Variants in ASAP3 observed in about 807,000 individuals in gnomAD.
ASAP3 encodes the protein ArfGAP with SH3 domain, ankyrin repeat and PH domain 3.
Under a neutral mutation model 118.2 loss-of-function variants are expected in ASAP3, and 85 were observed. The ratio of observed to expected loss-of-function variants is 0.72; its 90% CI spans 0.60 to 0.86. The LOEUF (loss-of-function observed/expected upper bound fraction) is 0.86. Among genes scored for constraint, ASAP3 ranks in the 40% least tolerant of loss-of-function variants. The probability of loss-of-function intolerance (pLI) is 0.00; values close to 1 mark genes in which losing one functional copy is unlikely to be tolerated. For synonymous variants in ASAP3, 432 were observed against 477.4 expected, an observed-to-expected ratio of 0.90 and a Z score of 1.24; for missense variants, 1,026 against 1,175.0, an observed-to-expected ratio of 0.87 and a Z score of 1.85.
rs1640765632 is a variant in ASAP3, at chr1:23,438,823, G to T, written c.1026C>A (p.Pro342=). The T allele has an allele frequency of 6.2e-7, 1 of 1,614,180 alleles. No homozygotes were observed. The highest frequency in any genetic ancestry group is 8.5e-7 in the Non-Finnish European group (1 of 1,180,034). Residue 342 remains proline, a synonymous_variant, in exon 12 of 25, where the codon CCC becomes CCA. Coordinates refer to ENST00000336689, the MANE Select transcript of ASAP3 (RefSeq NM_017707.4). The surrounding 1 kb of genome is among the most constrained non-coding windows in gnomAD (Gnocchi z 4.9). The part of the protein sequence containing the change: ...LTISHSTINR[P]PVKLTLLTCQ... ...ACGTCAGCAGGGTCAGCTTCACCGG[G>T]GGCCGGTTTATCTGTGGGAATTTAG...
chr1:23,472,115 G>A (rs553185086), intron 1 of ASAP3, among the ~76,000 whole-genome samples: 1 of 152,254 alleles, frequency 6.6e-6, no homozygotes, highest in South Asian at 2.1e-4. Context: ...TCAATACAGG[G>A]TTTCTTTTTG....
chr1:23,430,764 G>A (rs1441208615), intron 24 of ASAP3, among the ~76,000 whole-genome samples: 1 of 152,166 alleles, frequency 6.6e-6, no homozygotes, highest in African/African-American at 2.4e-5. Flanking sequence ...ATGGAAAGAG[G>A]AGCACCAGGA....
chr1:23,467,703 G>A (rs1375978096), intron 1 of ASAP3, among the ~76,000 whole-genome samples: 2 of 152,036 alleles, frequency 1.3e-5, no homozygotes, highest in Non-Finnish European at 2.9e-5. Flanking sequence ...TGTAATCCCA[G>A]CACTTTGGGA....
At chr1:23,482,913 C>A (rs1642356214) in intron 1 of ASAP3, among the ~76,000 whole-genome samples, 1 of 151,402 alleles carries the variant, frequency 6.6e-6, no homozygotes, top group Admixed American at 6.6e-5. Flanking sequence ...GATCGCGTCA[C>A]TGCACTCCAG....
rs894007358 is a variant in ASAP3, at chr1:23,457,503, T to G, written c.130-1309A>C. 2.6e-5 allele frequency among the ~76,000 whole-genome samples: 4 copies of G among 152,286 alleles called. No individual in the cohort carries two copies. The East Asian group carries it at 7.7e-4, about 29-fold the overall frequency. On this transcript the variant is annotated intron_variant, in intron 1 of 24. Transcript: ENST00000336689. ...GCTCAGCTCCACTACTCGGGGGCTA[T>G]GTGACCTTGAACAAGTTGCCTATTT...
intron 5 of ASAP3, 41 bp downstream of exon 5, chr1:23,451,438 G>T (rs1483776453): frequency 1.5e-5 from 24 of 1,596,576 alleles, no homozygotes; most frequent in African/African-American, 5.4e-5. Flanking sequence ...CAGCCTAAGT[G>T]CTACTCTCCC....
Position 23,429,578 on chromosome 1 carries a change from G to A in ASAP3, c.*278C>T. 3.2e-6 allele frequency: 1 copy of A among 310,806 alleles called. No homozygotes were observed. Among genetic ancestry groups the A allele is most frequent in the Non-Finnish European group, 6.0e-6 (1 of 165,784 alleles). The allele number at this position is 310,806 out of a possible 1,614,324, so 19.3% of individuals were successfully genotyped here. ...ATGAGGGACTGAGAGTTCTGCAGCT[G>A]AAGCCAGCTCAGGAGCACTCAGATC... On this transcript the variant is annotated 3_prime_UTR_variant, in exon 25 of 25. Transcript: ENST00000336689.
intron 1 of ASAP3, among the ~76,000 whole-genome samples, chr1:23,472,259 A>G (rs1301647409): frequency 1.3e-5 from 2 of 152,188 alleles, no homozygotes. Context: ...ATGAGAGGAA[A>G]TCTACCTAAA....
At chr1:23,448,013 C>A (rs1223727400) in intron 5 of ASAP3, among the ~76,000 whole-genome samples, 1 of 152,316 alleles carries the variant, frequency 6.6e-6, no homozygotes, top group East Asian at 1.9e-4. Flanking sequence ...AAGTCCCATT[C>A]CTTCCCTATC....
intron 5 of ASAP3, among the ~76,000 whole-genome samples, chr1:23,448,232 C>T (rs1050391465): frequency 6.6e-6 from 1 of 152,148 alleles, no homozygotes; most frequent in African/African-American, 2.4e-5. Context: ...TACAGGTACT[C>T]CTGGTGCAGG....
intron 1 of ASAP3, among the ~76,000 whole-genome samples, chr1:23,464,212 A>T (rs976913977): frequency 6.6e-6 from 1 of 151,122 alleles, no homozygotes; most frequent in South Asian, 2.1e-4. Flanking sequence ...TTTGAGACAC[A>T]GTCTCTCTCT....
chr1:23,469,731 C>T (rs1183303417), intron 1 of ASAP3, among the ~76,000 whole-genome samples: 3 of 152,204 alleles, frequency 2.0e-5, no homozygotes, highest in Non-Finnish European at 2.9e-5. Flanking sequence ...TTCCTCCCAA[C>T]AACTCTGTGA....
intron 1 of ASAP3, among the ~76,000 whole-genome samples, chr1:23,474,350 C>A (rs1032348242): frequency 6.6e-6 from 1 of 152,138 alleles, no homozygotes; most frequent in African/African-American, 2.4e-5. Flanking sequence ...GGCATCTGGG[C>A]AGCATCTAAC....
At chr1:23,472,215 A>G (rs1246006256) in intron 1 of ASAP3, among the ~76,000 whole-genome samples, 3 of 152,368 alleles carry the variant, frequency 2.0e-5, no homozygotes, top group Non-Finnish European at 4.4e-5. Flanking sequence ...ACATTTTAAA[A>G]TGGTGAGTTT....
intron 3 of ASAP3, 151 bp downstream of exon 3, chr1:23,455,730 G>A (rs1641360583): frequency 4.4e-6 from 4 of 899,736 alleles, no homozygotes; most frequent in Non-Finnish European, 6.8e-6. Context: ...CCAAAAGAAG[G>A]GTCAGGGCTG....
chr1:23,473,974 CT>C (rs10664798), intron 1 of ASAP3, among the ~76,000 whole-genome samples: 3,083 of 71,738 alleles, frequency 0.043, 18 homozygotes, highest in Middle Eastern at 0.21. Context: ...TAAATCTGCT[CT>C]TTTTTTTTTT....
At chr1:23,456,278 AC>A (rs1274594579) in intron 1 of ASAP3, 84 bp from the exon 2 acceptor site, 9 of 1,269,490 alleles carry the variant, frequency 7.1e-6, no homozygotes, top group Admixed American at 2.0e-5. Flanking sequence ...TATGATTTCC[AC>A]CCCCCAACCG....
chr1:23,448,452 A>AATT (rs1031441409), intron 5 of ASAP3, among the ~76,000 whole-genome samples: 20 of 152,150 alleles, frequency 1.3e-4, no homozygotes, highest in African/African-American at 4.6e-4. Context: ...TATTATTACT[A>AATT]ATTATTATTA....
chr1:23,452,618 T>A, intron 4 of ASAP3, 79 bp downstream of exon 4: 1 of 1,488,850 alleles, frequency 6.7e-7, no homozygotes. Flanking sequence ...CCACCCTCAG[T>A]CCAGCCCTGC....
Sources: allele counts gnomAD v4.1 joint callset (sites outside exome capture counted in the v4.1 genomes callset), GRCh38; gene constraint gnomAD v4.1.1; non-coding constraint Gnocchi (gnomAD v3.1); transcripts MANE v1.5; gene names NCBI Gene and HGNC (gene_info 2026-07-23, HGNC 2026-07-21).